Variants in NEK11 observed in about 807,000 individuals in gnomAD.
NEK11 encodes the protein serine/threonine-protein kinase Nek11.
NEK11 carries 72 observed loss-of-function variants against 80.7 expected under a neutral mutation model. That is an observed-to-expected ratio of 0.89 (90% confidence interval 0.74 to 1.08). The LOEUF is 1.08. Ranked by LOEUF, NEK11 falls within the 50% of genes least tolerant of loss-of-function variation. NEK11 has a pLI of 0.00. For synonymous variants in NEK11, 251 were observed against 260.7 expected (o/e 0.96, Z 0.36); for missense variants, 764 against 763.6 (o/e 1.00, Z -0.01).
intron 3 of NEK11, among the ~76,000 whole-genome samples, chr3:131,052,454 G>T (rs1384497222): frequency 6.6e-6 from 1 of 152,082 alleles, no homozygotes; most frequent in Non-Finnish European, 1.5e-5. Flanking sequence ...TCTCATTCCA[G>T]GGGTTTGAAT....
intron 17 of NEK11, among the ~76,000 whole-genome samples, chr3:131,321,837 C>A (rs2109753634): frequency 6.6e-6 from 1 of 152,164 alleles, no homozygotes; most frequent in African/African-American, 2.4e-5. Context: ...AATCAAAAAA[C>A]AACAGATGCT....
intron 14 of NEK11, among the ~76,000 whole-genome samples, chr3:131,205,225 T>A (rs984581407): frequency 2.0e-5 from 3 of 152,160 alleles, no homozygotes; most frequent in Non-Finnish European, 4.4e-5. Flanking sequence ...TAGATCAAAT[T>A]GAAATTTAAA....
chr3:131,337,795 C>A (rs1468987706), intron 17 of NEK11, among the ~76,000 whole-genome samples: 1 of 151,998 alleles, frequency 6.6e-6, no homozygotes, highest in Non-Finnish European at 1.5e-5. Flanking sequence ...CAATCTGAAC[C>A]CCCCCTCCAT....
chr3:131,100,145 C>T (rs1237686608), intron 4 of NEK11, among the ~76,000 whole-genome samples: 1 of 152,160 alleles, frequency 6.6e-6, no homozygotes, highest in Non-Finnish European at 1.5e-5. Context: ...AATGCCTGGT[C>T]TGTTGAGGGT....
At chr3:131,334,022 GAC>G in intron 17 of NEK11, among the ~76,000 whole-genome samples, 4 of 152,216 alleles carry the variant, frequency 2.6e-5, no homozygotes, top group African/African-American at 7.2e-5. Context: ...AATAATGGGA[GAC>G]TTTAACACCC....
chr3:131,265,147 A>T (rs2096021689), intron 16 of NEK11, among the ~76,000 whole-genome samples: 1 of 152,180 alleles, frequency 6.6e-6, no homozygotes, highest in Admixed American at 6.5e-5. Context: ...ATATAGACTC[A>T]TGTGATCTGC....
chr3:131,262,659 G>A (rs1031592634), intron 16 of NEK11, among the ~76,000 whole-genome samples: 1 of 152,076 alleles, frequency 6.6e-6, no homozygotes, highest in Non-Finnish European at 1.5e-5. Context: ...TTTAATAAAG[G>A]CAAAATTAGG....
intron 17 of NEK11, among the ~76,000 whole-genome samples, chr3:131,287,313 A>C (rs114955958): frequency 6.6e-6 from 1 of 152,110 alleles, no homozygotes; most frequent in Non-Finnish European, 1.5e-5. Flanking sequence ...TCACTCTGTC[A>C]TCCGGGCTGG....
chr3:131,044,878 C>T (rs2067146978), intron 3 of NEK11, among the ~76,000 whole-genome samples: 1 of 152,150 alleles, frequency 6.6e-6, no homozygotes, highest in Non-Finnish European at 1.5e-5. Context: ...GGAAGTAAAA[C>T]ACTCCTCAGC....
At chr3:131,047,444 G>A (rs1180519090) in intron 3 of NEK11, among the ~76,000 whole-genome samples, 4 of 152,204 alleles carry the variant, frequency 2.6e-5, no homozygotes, top group African/African-American at 9.6e-5. Flanking sequence ...CTGCTGTTTA[G>A]ATTCTTTTGT....
chr3:131,280,170 C>T (rs932316492), intron 17 of NEK11, among the ~76,000 whole-genome samples: 1 of 152,156 alleles, frequency 6.6e-6, no homozygotes, highest in Non-Finnish European at 1.5e-5. Context: ...AACATCTGGG[C>T]CCTAAGAAAC....
intron 4 of NEK11, among the ~76,000 whole-genome samples, chr3:131,100,682 G>A (rs993258874): frequency 6.6e-6 from 1 of 152,136 alleles, no homozygotes; most frequent in Non-Finnish European, 1.5e-5. Context: ...TGTTCATCAT[G>A]GATATTGGCC....
At chr3:131,298,097 T>A (rs1419240891) in intron 17 of NEK11, among the ~76,000 whole-genome samples, 1 of 152,218 alleles carries the variant, frequency 6.6e-6, no homozygotes, top group African/African-American at 2.4e-5. Flanking sequence ...TCAGGTAGCC[T>A]GATGCCTCCA....
At chr3:131,149,711 G>T (rs1460812755) in intron 7 of NEK11, among the ~76,000 whole-genome samples, 6 of 151,934 alleles carry the variant, frequency 3.9e-5, no homozygotes, top group South Asian at 4.1e-4. Context: ...GGAATCTACA[G>T]TGTTGCACTT....
At chr3:131,055,371 G>A (rs927781607) in intron 3 of NEK11, among the ~76,000 whole-genome samples, 2 of 152,156 alleles carry the variant, frequency 1.3e-5, no homozygotes, top group Admixed American at 6.5e-5. Flanking sequence ...GGACAGTCTA[G>A]TTAGGCTTTG....
At chr3:131,137,922 T>G (rs896252658) in intron 7 of NEK11, among the ~76,000 whole-genome samples, 2 of 152,176 alleles carry the variant, frequency 1.3e-5, no homozygotes, top group African/African-American at 4.8e-5. Flanking sequence ...ACATGAAATA[T>G]TTTGATATAG....
chr3:131,099,289 T>C (rs993575429), intron 4 of NEK11, among the ~76,000 whole-genome samples: 2 of 152,124 alleles, frequency 1.3e-5, no homozygotes, highest in African/African-American at 2.4e-5. Context: ...TGTGTGTGGC[T>C]TTATTTCTGA....
At chr3:131,125,893 C>T (rs1436902906) in intron 5 of NEK11, among the ~76,000 whole-genome samples, 2 of 152,158 alleles carry the variant, frequency 1.3e-5, no homozygotes, top group Non-Finnish European at 2.9e-5. Context: ...ATTGGTAGGG[C>T]CAGATCTTGA....
intron 14 of NEK11, among the ~76,000 whole-genome samples, chr3:131,215,205 T>G (rs1165047514): frequency 1.4e-5 from 2 of 140,824 alleles, no homozygotes; most frequent in Non-Finnish European, 3.0e-5. Flanking sequence ...TTCTCACTCA[T>G]AGGTGGGAAT....
Sources: allele counts gnomAD v4.1 joint callset (sites outside exome capture counted in the v4.1 genomes callset), GRCh38; gene constraint gnomAD v4.1.1; transcripts MANE v1.5; gene names NCBI Gene and HGNC (gene_info 2026-07-23, HGNC 2026-07-21).